Variants in GRIP2 observed in about 807,000 individuals in gnomAD.
The protein encoded by GRIP2 is glutamate receptor-interacting protein 2.
Under a neutral mutation model 108.3 loss-of-function variants are expected in GRIP2, and 58 were observed. The observed-to-expected ratio is 0.54, with a 90% CI of 0.43 to 0.67. The LOEUF (loss-of-function observed/expected upper bound fraction) is 0.67, where lower values mean the gene tolerates loss of function less well. Ranked by LOEUF, GRIP2 falls within the 30% of genes least tolerant of loss-of-function variation. The pLI is 0.00. For missense variants in GRIP2, 1,278 were observed against 1,430.6 expected, an observed-to-expected ratio of 0.89 and a Z score of 1.72; for synonymous variants, 586 against 598.2, an observed-to-expected ratio of 0.98 and a Z score of 0.30.
At chr3:14,567,508 G>A in the GRIP2 span, among the ~76,000 whole-genome samples, 1 of 152,132 alleles carries the variant, frequency 6.6e-6, no homozygotes, top group Non-Finnish European at 1.5e-5. Context: ...GACAGCACGA[G>A]GTTCAGGATG....
chr3:14,510,510 C>A (rs954374320), intron 16 of GRIP2, among the ~76,000 whole-genome samples: 1 of 151,992 alleles, frequency 6.6e-6, no homozygotes, highest in Non-Finnish European at 1.5e-5. Flanking sequence ...AGTGCTCCAC[C>A]CACCTTGGCC....
the GRIP2 span, among the ~76,000 whole-genome samples, chr3:14,581,737 C>T: frequency 2.6e-3 from 389 of 152,342 alleles, 1 homozygote; most frequent in Non-Finnish European, 4.6e-3. Flanking sequence ...CTGGATGTAG[C>T]CCTTCCTGAT....
rs1694428346 is a variant in GRIP2 at position 14,522,088 on chromosome 3, TG to T, written c.567-302del. 6 of 343,676 alleles carry T rather than the reference TG, an allele frequency of 1.7e-5. No individual in the cohort carries two copies. The South Asian group carries it at 2.3e-4, about 13-fold the overall frequency. The allele number at this position is 343,676 out of a possible 1,614,324, so 21.3% of individuals were successfully genotyped here. On this transcript the variant is annotated intron_variant, in intron 6 of 23. Coordinates refer to ENST00000621039, the MANE Select transcript of GRIP2 (RefSeq NM_001080423.4). This position sits in a 1 kb window ranked among gnomAD's most constrained non-coding sequence, Gnocchi z 4.3. ...GTGCAGAACCCTGAAATGTCTGAGC[TG>T]GGGGTGCTCTTCAAGCGTCACCCCC...
upstream of GRIP2, among the ~76,000 whole-genome samples, chr3:14,545,506 C>A (rs1030471026): frequency 1.3e-5 from 2 of 152,240 alleles, no homozygotes; most frequent in African/African-American, 4.8e-5. Context: ...GGTCAAGTCA[C>A]CAGCAGGCCA....
rs1387869643 is a variant in GRIP2 at position 14,511,113 on chromosome 3, G to A, written c.1933+52C>T. 10 of 1,597,770 alleles carry A rather than the reference G, an allele frequency of 6.3e-6. No individual in the cohort carries two copies. Among genetic ancestry groups the A allele is most frequent in the East Asian group, 4.5e-5 (2 of 44,560 alleles). ...GCCCTGAATTGCAAGCTGGGAACCC[G>A]CTAGTCAAAGGGTGGGCCTCTGGAG... On this transcript the variant is annotated intron_variant, in intron 16 of 23. Transcript: ENST00000621039. This position sits in a 1 kb window ranked among gnomAD's most constrained non-coding sequence, Gnocchi z 4.1.
rs763233453 is a variant in GRIP2, at chr3:14,511,353, A to C, written c.1788-43T>G. 1 of 1,613,982 alleles carries C rather than the reference A, an allele frequency of 6.2e-7. No homozygotes were observed. The highest frequency in any genetic ancestry group is 8.5e-7 in the Non-Finnish European group (1 of 1,179,864). ...AGAGGGGATGGAAGGAGCCTGGTGC[A>C]TGCAGGTGCCATACTCACTGCTGTT... is the stretch of plus-strand genomic sequence containing the variant. On this transcript the variant is annotated intron_variant, in intron 15 of 23. Coordinates refer to ENST00000621039, the MANE Select transcript of GRIP2 (RefSeq NM_001080423.4). This position sits in a 1 kb window ranked among gnomAD's most constrained non-coding sequence, Gnocchi z 4.1.
At chr3:14,545,775 C>G (rs1488714928), upstream of GRIP2, among the ~76,000 whole-genome samples, 1 of 152,222 alleles carries the variant, frequency 6.6e-6, no homozygotes, top group Non-Finnish European at 1.5e-5. Flanking sequence ...AGATGGCCAG[C>G]CTGATCATGG....
intron 1 of GRIP2, among the ~76,000 whole-genome samples, chr3:14,554,621 AC>A (rs1264871551): frequency 6.6e-6 from 1 of 152,004 alleles, no homozygotes; most frequent in Non-Finnish European, 1.5e-5. Context: ...CCAGTGAAGG[AC>A]CTAGAGCCCT....
At chr3:14,589,975 T>G in the GRIP2 span, among the ~76,000 whole-genome samples, 2 of 152,094 alleles carry the variant, frequency 1.3e-5, no homozygotes, top group Admixed American at 6.5e-5. Flanking sequence ...GTATTTTTTG[T>G]AGAGATGAGG....
the GRIP2 span, chr3:14,573,762 G>T: frequency 1.0e-5 from 16 of 1,536,156 alleles, no homozygotes; most frequent in East Asian, 3.6e-4. Flanking sequence ...ATATACCCTG[G>T]GATCCTGGTG....
chr3:14,587,618 G>A, the GRIP2 span, among the ~76,000 whole-genome samples: 3 of 145,234 alleles, frequency 2.1e-5, no homozygotes, highest in South Asian at 2.2e-4. Flanking sequence ...CAGCCTGGGC[G>A]ACAGAGTGAG....
At chr3:14,534,607 C>T (rs1457612106) in intron 1 of GRIP2, among the ~76,000 whole-genome samples, 1 of 151,880 alleles carries the variant, frequency 6.6e-6, no homozygotes, top group Non-Finnish European at 1.5e-5. Flanking sequence ...TGTAGGAACT[C>T]GCTTCAGAGG....
the GRIP2 span, among the ~76,000 whole-genome samples, chr3:14,589,297 C>A: frequency 2.0e-5 from 3 of 152,174 alleles, no homozygotes; most frequent in Non-Finnish European, 4.4e-5. Flanking sequence ...TGATAGTACA[C>A]AACTATTTGT....
At chr3:14,518,040 G>A in intron 9 of GRIP2, 143 bp from the exon 10 acceptor site, 1 of 1,003,946 alleles carries the variant, frequency 1.0e-6, no homozygotes, top group Admixed American at 3.1e-5. Context: ...ACATGTCCCG[G>A]ACGCCTACAA....
chr3:14,597,815 G>A, the GRIP2 span, among the ~76,000 whole-genome samples: 3 of 152,184 alleles, frequency 2.0e-5, no homozygotes, highest in Admixed American at 6.5e-5. Flanking sequence ...AATTCTGCAT[G>A]CTGACATCAT....
the GRIP2 span, among the ~76,000 whole-genome samples, chr3:14,602,734 C>A: frequency 6.6e-6 from 1 of 151,936 alleles, no homozygotes; most frequent in Non-Finnish European, 1.5e-5. The surrounding 1 kb of genome is among the most constrained non-coding windows in gnomAD (Gnocchi z 4.7). Context: ...AGCTCGCGTC[C>A]TGAGGTGATC....
At chr3:14,503,447 G>T in intron 21 of GRIP2, 119 bp downstream of exon 21, 1 of 688,374 alleles carries the variant, frequency 1.5e-6, no homozygotes, top group Non-Finnish European at 2.5e-6. Flanking sequence ...CCAGGTGAGT[G>T]CATACGTACA....
chr3:14,565,674 C>A, the GRIP2 span, among the ~76,000 whole-genome samples: 1 of 152,346 alleles, frequency 6.6e-6, no homozygotes, highest in Admixed American at 6.5e-5. Flanking sequence ...GTGTAAGTGG[C>A]CAGCAGCACA....
intron 21 of GRIP2, among the ~76,000 whole-genome samples, chr3:14,497,697 A>G (rs942640606): frequency 6.6e-6 from 1 of 152,196 alleles, no homozygotes; most frequent in Non-Finnish European, 1.5e-5. Flanking sequence ...CTGCCACATG[A>G]AGACTGGGCT....
Sources: allele counts gnomAD v4.1 joint callset (sites outside exome capture counted in the v4.1 genomes callset), GRCh38; gene constraint gnomAD v4.1.1; non-coding constraint Gnocchi (gnomAD v3.1); transcripts MANE v1.5; gene names NCBI Gene and HGNC (gene_info 2026-07-23, HGNC 2026-07-21).